Variants in MALRD1 observed in about 807,000 individuals in gnomAD.
MALRD1 encodes MAM and LDL-receptor class A domain-containing protein 1.
Under a neutral mutation model 242.1 loss-of-function variants are expected in MALRD1, and 247 were observed. That is an observed-to-expected ratio of 1.02 (90% CI 0.92 to 1.13). MALRD1 has a LOEUF of 1.13. MALRD1 is among the 50% of genes most tolerant of loss of function. MALRD1 has a pLI of 0.00. For missense variants in MALRD1, 2,989 were observed against 2,533.1 expected (o/e 1.18, Z -3.86); for synonymous variants, 995 against 866.6 (o/e 1.15, Z -2.60).
intron 18 of MALRD1, among the ~76,000 whole-genome samples, chr10:19,235,155 T>G (rs140337267): frequency 6.6e-6 from 1 of 152,100 alleles, no homozygotes; most frequent in Non-Finnish European, 1.5e-5. Flanking sequence ...GTCAGGTAAG[T>G]GAGCTGATCA....
intron 1 of MALRD1, chr10:19,051,980 A>G (rs181709271): frequency 2.1e-5 from 6 of 288,674 alleles, no homozygotes; most frequent in South Asian, 1.1e-4. Flanking sequence ...GCCTTAAAAT[A>G]GAATGTGGAC....
chr10:19,369,839 A>G (rs1845295989), intron 26 of MALRD1, among the ~76,000 whole-genome samples: 1 of 151,818 alleles, frequency 6.6e-6, no homozygotes, highest in African/African-American at 2.4e-5. Flanking sequence ...TTACTGATAT[A>G]TTACTTTCTT....
chr10:19,178,383 G>C (rs375018354), intron 14 of MALRD1, among the ~76,000 whole-genome samples: 2 of 152,284 alleles, frequency 1.3e-5, no homozygotes, highest in South Asian at 4.1e-4. Flanking sequence ...GAGAGAAACT[G>C]AAAGGAATAT....
Position 19,692,492 on chromosome 10 carries a change from C to T in MALRD1, c.6252C>T (p.Phe2084=). 1 of 1,535,804 alleles carries T rather than the reference C, an allele frequency of 6.5e-7. No homozygotes were observed. Among genetic ancestry groups the T allele is most frequent in the Non-Finnish European group, 8.7e-7 (1 of 1,146,552 alleles). The change falls in exon 38 of 40, where the codon TTC becomes TTT. Residue 2084 remains phenylalanine, a synonymous_variant. Coordinates refer to ENST00000454679, the MANE Select transcript of MALRD1 (RefSeq NM_001142308.3). ...TWTLLGIGLA[F]LMTHITVAVL... ...CTCTCCTGGGTATTGGATTAGCATT[C>T]CTGATGACTCACATCACAGTTGCAG... is the stretch of plus-strand genomic sequence containing the variant.
chr10:19,111,636 T>G (rs1487945659), intron 5 of MALRD1, among the ~76,000 whole-genome samples: 3 of 152,240 alleles, frequency 2.0e-5, no homozygotes, highest in African/African-American at 7.2e-5. Context: ...GGGATTTAGA[T>G]GAACTGCAAC....
At chr10:19,520,900 T>C (rs1833850469) in intron 31 of MALRD1, among the ~76,000 whole-genome samples, 1 of 152,194 alleles carries the variant, frequency 6.6e-6, no homozygotes, top group Non-Finnish European at 1.5e-5. Context: ...ACCATCTGAA[T>C]CAGATACCCA....
chr10:19,377,255 T>C (rs1172225173), intron 26 of MALRD1, among the ~76,000 whole-genome samples: 1 of 152,186 alleles, frequency 6.6e-6, no homozygotes, highest in African/African-American at 2.4e-5. Context: ...GTTGTTATTT[T>C]GTTGTGTTTT....
At chr10:19,631,965 C>T (rs894994851) in intron 36 of MALRD1, among the ~76,000 whole-genome samples, 6 of 152,128 alleles carry the variant, frequency 3.9e-5, no homozygotes, top group Admixed American at 3.3e-4. Context: ...GTTTCTTCTG[C>T]TGCTGCACTT....
At chr10:19,129,937 G>GATAT (rs34413523) in intron 8 of MALRD1, among the ~76,000 whole-genome samples, 14 of 148,462 alleles carry the variant, frequency 9.4e-5, no homozygotes, top group South Asian at 4.2e-4. Flanking sequence ...ATGTGGATGT[G>GATAT]ATATATATAT....
chr10:19,398,277 T>C (rs992128699), intron 28 of MALRD1, among the ~76,000 whole-genome samples: 1 of 152,188 alleles, frequency 6.6e-6, no homozygotes, highest in African/African-American at 2.4e-5. Context: ...TATTTTCTTC[T>C]GGTAGTTTTA....
At chr10:19,179,875 A>G (rs11008814) in intron 14 of MALRD1, among the ~76,000 whole-genome samples, 11,099 of 152,156 alleles carry the variant, frequency 0.073, 533 homozygotes, top group Non-Finnish European at 0.11. Flanking sequence ...CACCTTTAAG[A>G]GTCTCCTTTC....
In MALRD1 at chr10:19,539,852, T is replaced by TTTTGTGTGTGTGTG. The variant is rs1554795755; in HGVS notation, c.5478+8502_5478+8503insTTGTGTGTGTGTGT. Among the ~76,000 whole-genome samples, 124 of 64,314 alleles carry TTTTGTGTGTGTGTG rather than the reference T, an allele frequency of 1.9e-3. 2 individuals carry two copies. Among genetic ancestry groups the TTTTGTGTGTGTGTG allele is most frequent in the African/African-American group, 4.8e-3 (94 of 19,764 alleles). 42.2% of individuals were successfully genotyped at this position (64,314 alleles called of 152,430 possible). On this transcript the variant is annotated intron_variant, in intron 32 of 39. Coordinates refer to ENST00000454679, the MANE Select transcript of MALRD1 (RefSeq NM_001142308.3). ...CCAGCATGCGCCACCACACCCAGCT[T>TTTTGTGTGTGTGTG]TGTGCGTGTGTGTGTGTGTGTGTGT...
At chr10:19,722,619 A>AAAAAAGG (rs57292963) in intron 38 of MALRD1, 1 of 144,480 alleles carries the variant, frequency 6.9e-6, no homozygotes, top group African/African-American at 2.6e-5. Flanking sequence ...AAAAAAAAAA[A>AAAAAAGG]GGTGGAAAAA....
chr10:19,504,681 T>G (rs954879109), intron 31 of MALRD1, among the ~76,000 whole-genome samples: 6 of 138,112 alleles, frequency 4.3e-5, no homozygotes, highest in Admixed American at 1.4e-4. Context: ...TTTTTTTTTT[T>G]TTTTTTTTTT....
intron 38 of MALRD1, among the ~76,000 whole-genome samples, chr10:19,723,903 T>C (rs1834891527): frequency 7.2e-6 from 1 of 138,764 alleles, no homozygotes; most frequent in Non-Finnish European, 1.6e-5. Context: ...TTGAGCAGTT[T>C]TAAAATTAGC....
chr10:19,331,064 A>T (rs1418665736), intron 23 of MALRD1, among the ~76,000 whole-genome samples: 11 of 152,104 alleles, frequency 7.2e-5, no homozygotes, highest in African/African-American at 2.7e-4. Flanking sequence ...GAGATCTGAG[A>T]GCTGGCAAAG....
intron 31 of MALRD1, among the ~76,000 whole-genome samples, chr10:19,502,021 A>AAAAAGAAAAG (rs538436241): frequency 6.1e-5 from 7 of 114,088 alleles, no homozygotes; most frequent in Non-Finnish European, 1.2e-4. Flanking sequence ...TCAAAAAAAA[A>AAAAAGAAAAG]AAAAGAAAAG....
intron 4 of MALRD1, among the ~76,000 whole-genome samples, chr10:19,101,696 T>C (rs959445732): frequency 8.9e-5 from 12 of 135,548 alleles, no homozygotes; most frequent in Admixed American, 4.0e-4. Context: ...ATATTATACA[T>C]ATATGTATAT....
chr10:19,091,459 G>T (rs199926664), intron 4 of MALRD1, among the ~76,000 whole-genome samples: 1 of 33,488 alleles, frequency 3.0e-5, no homozygotes, highest in Non-Finnish European at 5.3e-5. Flanking sequence ...TTTTTATTGT[G>T]TCTATTTGAT....
Sources: gnomAD v4.1 joint callset for allele counts (sites outside exome capture counted in the v4.1 genomes callset) on GRCh38, gnomAD v4.1.1 for gene constraint, MANE v1.5 for transcripts, NCBI Gene and HGNC (gene_info 2026-07-23, HGNC 2026-07-21) for gene names.